Variants in OR7D4 observed in about 807,000 individuals in gnomAD.
The protein encoded by OR7D4 is olfactory receptor family 7 subfamily D member 4.
For missense variants in OR7D4, 319 were observed against 377.1 expected, an observed-to-expected ratio of 0.85 and a Z score of 1.27; for synonymous variants, 154 against 158.4, an observed-to-expected ratio of 0.97 and a Z score of 0.21.
Position 9,214,418 on chromosome 19 carries a change from G to A in OR7D4, c.420C>T (p.Leu140=). The A allele has an allele frequency of 5.0e-6, 8 of 1,614,196 alleles. No homozygotes were observed. Among genetic ancestry groups the A allele is most frequent in the Non-Finnish European group, 6.8e-6 (8 of 1,180,042 alleles). Residue 140 remains leucine, a synonymous_variant, in exon 2 of 2, where the codon CTC becomes CTT. Coordinates refer to ENST00000641669, the MANE Select transcript of OR7D4 (RefSeq NM_001005191.3). ...AAGATGCCAGAACCAGGAGGCCACAGAGGCAGGGGTTCATGATGACCGTGT... is the reference window on the plus strand; with the variant it reads ...AAGATGCCAGAACCAGGAGGCCACAAAGGCAGGGGTTCATGATGACCGTGT... ...LHYTVIMNPC[L]CGLLVLASWF...
At chr19:9,218,883 C>T (rs1369207983) in intron 1 of OR7D4, among the ~76,000 whole-genome samples, 2 of 152,090 alleles carry the variant, frequency 1.3e-5, no homozygotes, top group Admixed American at 6.5e-5. Context: ...ATCTGCCCGC[C>T]TCGGCCTCCC....
rs1437609628 is a variant in OR7D4, at chr19:9,212,688, C to G, written c.*1211G>C. On this transcript the variant is annotated 3_prime_UTR_variant, in exon 2 of 2. Coordinates refer to ENST00000641669, the MANE Select transcript of OR7D4 (RefSeq NM_001005191.3). ...AGTATATTACTAGGAACCATTTGAC[C>G]CAACCAGCTTTCAAATATAGAGTCA... 2.6e-5 allele frequency: 4 copies of G among 152,100 alleles called. No homozygotes were observed. The highest frequency in any genetic ancestry group is 5.9e-5 in the Non-Finnish European group (4 of 68,032). 9.4% of individuals were successfully genotyped at this position (152,100 alleles called of 1,614,324 possible).
At chr19:9,217,293 A>C (rs1395117888) in intron 1 of OR7D4, among the ~76,000 whole-genome samples, 1 of 152,240 alleles carries the variant, frequency 6.6e-6, no homozygotes, top group East Asian at 1.9e-4. Context: ...GTTTGATATA[A>C]AAATTTAAAA....
chr19:9,214,442 G>C lies in OR7D4; in HGVS notation c.396C>G (p.Tyr132Ter). 1 of 1,614,182 alleles carries C rather than the reference G, an allele frequency of 6.2e-7. No homozygotes were observed. The highest frequency in any genetic ancestry group is 2.2e-5 in the East Asian group (1 of 44,882). ...RFVAICHPLH[Y>*]TVIMNPCLCG... is the part of the protein sequence containing the mutation. Reference sequence around the variant, plus strand: ...AGAGGCAGGGGTTCATGATGACCGTGTAGTGCAGTGGGTGGCAGATGGCCA... The same window carrying C: ...AGAGGCAGGGGTTCATGATGACCGTCTAGTGCAGTGGGTGGCAGATGGCCA... Residue 132 changes from tyrosine to a stop codon, truncating the protein, a stop_gained, in exon 2 of 2, where the codon TAC becomes TAG. Transcript: ENST00000641669. LOFTEE classifies it low-confidence loss of function (END_TRUNC).
At position 9,210,502 on chromosome 19, in the gene OR7D4, C is replaced by G. The variant is rs1254974871; in HGVS notation, c.*3397G>C. 4 of 152,130 alleles carry G rather than the reference C, an allele frequency of 2.6e-5. No individual in the cohort carries two copies. The highest frequency in any genetic ancestry group is 2.9e-5 in the Non-Finnish European group (2 of 68,118). 9.4% of individuals were successfully genotyped at this position (152,130 alleles called of 1,614,324 possible). A position where few individuals can be genotyped will look rare whatever the true frequency, so the allele number is the denominator to read the frequency against. On this transcript the variant is annotated 3_prime_UTR_variant, in exon 2 of 2. Transcript: ENST00000641669. ...GGTGGCGCAGGAGGATTACTTGAGG[C>G]CAGGAATTCAAGGCTGCAGTGAGCT...
chr19:9,214,502 A>G lies in OR7D4; in HGVS notation c.336T>C (p.Thr112=). 1 of 1,614,142 alleles carries G rather than the reference A, an allele frequency of 6.2e-7. No homozygotes were observed. Among genetic ancestry groups the G allele is most frequent in the East Asian group, 2.2e-5 (1 of 44,878 alleles). ...YFLMMFAGMD[T]FLLAVMAYDR... ...CATAGGCCATCACGGCCAGTAGGAA[A>G]GTATCCATTCCAGCAAACATCATTA... Residue 112 remains threonine, a synonymous_variant, in exon 2 of 2, where the codon ACT becomes ACC. Transcript: ENST00000641669.
intron 1 of OR7D4, among the ~76,000 whole-genome samples, chr19:9,218,191 A>T (rs1043640464): frequency 1.3e-5 from 2 of 152,240 alleles, no homozygotes; most frequent in East Asian, 3.8e-4. Context: ...GGACCAAAGC[A>T]TCAACTATAA....
At position 9,213,012 on chromosome 19, in the gene OR7D4, A is replaced by C. The variant is rs994472991; in HGVS notation, c.*887T>G. ...TTAGGATATACTCTACCTCCATCTC[A>C]GTCTCCTCCTTTGAGAAATGCAGTG... is the stretch of plus-strand genomic sequence containing the variant. On this transcript the variant is annotated 3_prime_UTR_variant, in exon 2 of 2. Transcript: ENST00000641669. 2 of 152,224 alleles carry C rather than the reference A, an allele frequency of 1.3e-5. No individual in the cohort carries two copies. The highest frequency in any genetic ancestry group is 2.4e-5 in the African/African-American group (1 of 41,460). The allele number at this position is 152,224 out of a possible 1,614,324, so 9.4% of individuals were successfully genotyped here. A position where few individuals can be genotyped will look rare whatever the true frequency, so the allele number is the denominator to read the frequency against.
chr19:9,217,908 G>A (rs1159453721), intron 1 of OR7D4, among the ~76,000 whole-genome samples: 1 of 152,144 alleles, frequency 6.6e-6, no homozygotes, highest in Non-Finnish European at 1.5e-5. Flanking sequence ...AAGAGAATTC[G>A]AGATTGTCCC....
Position 9,213,828 on chromosome 19 carries a change from G to C in OR7D4, c.*71C>G, listed in dbSNP as rs148662303. 9.3e-7 allele frequency: 1 copy of C among 1,079,484 alleles called. No homozygotes were observed. Among genetic ancestry groups the C allele is most frequent in the Non-Finnish European group, 1.4e-6 (1 of 730,616 alleles). The allele number at this position is 1,079,484 out of a possible 1,614,324, so 66.9% of individuals were successfully genotyped here. A position where few individuals can be genotyped will look rare whatever the true frequency, so the allele number is the denominator to read the frequency against. On this transcript the variant is annotated 3_prime_UTR_variant, in exon 2 of 2. Transcript: ENST00000641669. ...CATTTTTTAAAAGAGAAAAAGAGCC[G>C]GATATTTAAACCCACAACATTTGCC...
chr19:9,216,853 A>G (rs2051218121), intron 1 of OR7D4, among the ~76,000 whole-genome samples: 1 of 152,190 alleles, frequency 6.6e-6, no homozygotes, highest in Admixed American at 6.5e-5. Flanking sequence ...TGGCCTCCCA[A>G]TGTGCTGAGA....
chr19:9,219,071 A>G (rs2051237744), intron 1 of OR7D4, 129 bp downstream of exon 1: 1 of 152,172 alleles, frequency 6.6e-6, no homozygotes, highest in Non-Finnish European at 1.5e-5. Flanking sequence ...TAAATAAGTC[A>G]CCATCTCCAC....
rs1205367523 is a variant in OR7D4, at chr19:9,214,238, A to G, written c.600T>C (p.Tyr200=). The part of the protein sequence containing the change: ...SNTLLNNIVL[Y]VATALLGVFP... ...ACACACCCAGCAGTGCCGTGGCCAC[A>G]TACAAGACAATGTTATTGAGGAGGG... Residue 200 remains tyrosine (Y), a synonymous_variant, in exon 2 of 2, where the codon TAT becomes TAC. Coordinates refer to ENST00000641669, the MANE Select transcript of OR7D4 (RefSeq NM_001005191.3). 1.9e-6 allele frequency: 3 copies of G among 1,614,176 alleles called. No individual in the cohort carries two copies. The highest frequency in any genetic ancestry group is 1.6e-4 in the Middle Eastern group (1 of 6,062).
Position 9,213,694 on chromosome 19 carries a change from C to T in OR7D4, c.*205G>A, listed in dbSNP as rs1365807859. On this transcript the variant is annotated 3_prime_UTR_variant, in exon 2 of 2. Transcript: ENST00000641669. ...TAGAGGTTGCAGTGAGCCAAGATTGCACCACTGCACTCTAGCCTGGGCGAC... is the reference window on the plus strand; with the variant it reads ...TAGAGGTTGCAGTGAGCCAAGATTGTACCACTGCACTCTAGCCTGGGCGAC... 1.1e-5 allele frequency: 6 copies of T among 544,210 alleles called. No individual in the cohort carries two copies. The highest frequency in any genetic ancestry group is 2.2e-5 in the South Asian group (1 of 44,516). 33.7% of individuals were successfully genotyped at this position (544,210 alleles called of 1,614,324 possible).
In OR7D4 at chr19:9,211,355, T is replaced by C. The variant is rs2051171477; in HGVS notation, c.*2544A>G. The C allele has an allele frequency of 6.6e-6, 1 of 152,220 alleles. No homozygotes were observed. The highest frequency in any genetic ancestry group is 6.5e-5 in the Admixed American group (1 of 15,286). 9.4% of individuals were successfully genotyped at this position (152,220 alleles called of 1,614,324 possible). On this transcript the variant is annotated 3_prime_UTR_variant, in exon 2 of 2. Coordinates refer to ENST00000641669, the MANE Select transcript of OR7D4 (RefSeq NM_001005191.3). ...TATGGGGAAATGCTTAAGCAATATA[T>C]AAAGTTACCAAGTTAGGCTGCAAAG...
At chr19:9,215,146 C>A (rs1013673283) in intron 1 of OR7D4, among the ~76,000 whole-genome samples, 3 of 152,018 alleles carry the variant, frequency 2.0e-5, no homozygotes, top group Admixed American at 1.3e-4. Flanking sequence ...AGATTGAGAC[C>A]ATCCTGGCCA....
chr19:9,213,926 G>T lies in OR7D4; in HGVS notation c.912C>A (p.Leu304=). 1 of 1,614,044 alleles carries T rather than the reference G, an allele frequency of 6.2e-7. No individual in the cohort carries two copies. Among genetic ancestry groups the T allele is most frequent in the Non-Finnish European group, 8.5e-7 (1 of 1,179,922 alleles). Residue 304 remains leucine, a synonymous_variant, in exon 2 of 2, where the codon CTC becomes CTA. Coordinates refer to ENST00000641669, the MANE Select transcript of OR7D4 (RefSeq NM_001005191.3). The part of the protein sequence containing the change: ...NKDVKGALER[L]LSRADSCP ...ATGGACAAGAGTCGGCCCTGCTGAG[G>T]AGTCTTTCCAGGGCCCCCTTCACAT...
At chr19:9,215,718 CTACTAT>C (rs1161030221) in intron 1 of OR7D4, among the ~76,000 whole-genome samples, 6 of 152,170 alleles carry the variant, frequency 3.9e-5, no homozygotes, top group Non-Finnish European at 7.3e-5. Context: ...ATCATTACTG[CTACTAT>C]TACTATTAAT....
Position 9,214,142 on chromosome 19 carries a change from C to T in OR7D4, c.696G>A (p.Lys232=). 6.2e-7 allele frequency: 1 copy of T among 1,614,090 alleles called. No homozygotes were observed. Among genetic ancestry groups the T allele is most frequent in the Non-Finnish European group, 8.5e-7 (1 of 1,179,984 alleles). ...VSSLMGMSST[K]GKYKAFSTCG... ...AGGTGGAAAAGGCTTTGTACTTGCC[C>T]TTGGTGGAGGACATTCCCATTAAGG... Residue 232 remains lysine, a synonymous_variant, in exon 2 of 2, where the codon AAG becomes AAA. Coordinates refer to ENST00000641669, the MANE Select transcript of OR7D4 (RefSeq NM_001005191.3).
Sources: gnomAD v4.1 joint callset for allele counts (sites outside exome capture counted in the v4.1 genomes callset) on GRCh38, gnomAD v4.1.1 for gene constraint, MANE v1.5 for transcripts, NCBI Gene and HGNC (gene_info 2026-07-23, HGNC 2026-07-21) for gene names.